PSPH: variants seen among roughly 807,000 people sequenced by gnomAD.
PSPH encodes the protein L-3-phosphoserine phosphatase.
A neutral mutation model predicts 23.4 loss-of-function variants in PSPH; 16 were observed. The observed-to-expected ratio is 0.68, with a 90% CI of 0.46 to 1.04. The LOEUF (loss-of-function observed/expected upper bound fraction) is 1.04, where lower values mean the gene tolerates loss of function less well. Among genes scored for constraint, PSPH ranks in the 50% least tolerant of loss-of-function variants. The pLI is 0.00. For synonymous variants in PSPH, 68 were observed against 99.7 expected (o/e 0.68, Z 1.89); for missense variants, 223 against 273.7 (o/e 0.81, Z 1.31).
chr7:56,023,678 T>C (rs1479484317), intron 3 of PSPH, among the ~76,000 whole-genome samples: 1 of 152,134 alleles, frequency 6.6e-6, no homozygotes, highest in Non-Finnish European at 1.5e-5. Flanking sequence ...ACAGATGATG[T>C]AAGTAATCTA....
At chr7:56,049,753 AT>A (rs71015171) in intron 1 of PSPH, among the ~76,000 whole-genome samples, 2 of 146,362 alleles carry the variant, frequency 1.4e-5, no homozygotes, top group Non-Finnish European at 3.0e-5. Context: ...TATTATTATT[AT>A]TTTTTTTGAG....
intron 1 of PSPH, among the ~76,000 whole-genome samples, chr7:56,042,526 T>C (rs1269622436): frequency 2.6e-5 from 4 of 151,810 alleles, no homozygotes; most frequent in Non-Finnish European, 5.9e-5. Context: ...TGACGAGTGC[T>C]TGTGGTCCCA....
chr7:56,039,148 C>CAA (rs34620559), intron 1 of PSPH, among the ~76,000 whole-genome samples: 9 of 56,598 alleles, frequency 1.6e-4, no homozygotes, highest in African/African-American at 2.7e-4. Context: ...AACTCTGTCT[C>CAA]AAAAAAAAAA....
intron 5 of PSPH, 130 bp downstream of exon 5, chr7:56,019,470 A>C (rs1259343564): frequency 1.2e-5 from 15 of 1,220,624 alleles, no homozygotes; most frequent in East Asian, 2.7e-5. Context: ...ATAATTAAAA[A>C]ATTAAAAAAT....
At position 56,017,098 on chromosome 7, in the gene PSPH, G is replaced by T. The variant is rs1277204910; in HGVS notation, c.421+136C>A. ...GAGCAAAGGGTACCAAAGGGCAAAA[G>T]ACATCAATTAAGAGAACCATTCATC... On this transcript the variant is annotated intron_variant, in intron 6 of 7. Coordinates refer to ENST00000275605, the MANE Select transcript of PSPH (RefSeq NM_004577.4). The T allele has an allele frequency of 1.4e-5, 20 of 1,467,470 alleles. No individual in the cohort carries two copies. In the Admixed American group the frequency reaches 2.6e-4, roughly 19 times the overall value. The allele number at this position is 1,467,470 out of a possible 1,614,324, so 90.9% of individuals were successfully genotyped here. A position where few individuals can be genotyped will look rare whatever the true frequency, so the allele number is the denominator to read the frequency against.
At chr7:56,013,669 T>A (rs1788230819) in intron 7 of PSPH, among the ~76,000 whole-genome samples, 1 of 151,562 alleles carries the variant, frequency 6.6e-6, no homozygotes, top group African/African-American at 2.4e-5. Flanking sequence ...AGTTCAGGGC[T>A]GTGATAAGCT....
intron 7 of PSPH, among the ~76,000 whole-genome samples, chr7:56,014,759 C>T (rs552370514): frequency 1.4e-3 from 207 of 152,146 alleles, no homozygotes; most frequent in African/African-American, 4.9e-3. Flanking sequence ...GCATGGCCAA[C>T]GTGGCGAAAC....
chr7:56,024,804 C>CTTTT (rs11394881), intron 3 of PSPH, among the ~76,000 whole-genome samples: 3 of 130,090 alleles, frequency 2.3e-5, no homozygotes, highest in East Asian at 2.3e-4. Context: ...ATTAATAAAT[C>CTTTT]TTTTTTTTTT....
chr7:56,041,209 CTTTTTTTTTTT>C (rs1163943212), intron 1 of PSPH, among the ~76,000 whole-genome samples: 11 of 130,404 alleles, frequency 8.4e-5, no homozygotes, highest in South Asian at 7.6e-4. Flanking sequence ...CTCTCTCTCT[CTTTTTTTTTTT>C]TTTTTTTTTT....
At chr7:56,040,336 A>G (rs1238966307) in intron 1 of PSPH, among the ~76,000 whole-genome samples, 2 of 151,860 alleles carry the variant, frequency 1.3e-5, no homozygotes, top group Non-Finnish European at 2.9e-5. Flanking sequence ...ATATGGTTAT[A>G]TATCTATGTC....
chr7:56,040,092 C>G (rs942531591), intron 1 of PSPH, among the ~76,000 whole-genome samples: 2 of 144,390 alleles, frequency 1.4e-5, no homozygotes, highest in Admixed American at 1.4e-4. Flanking sequence ...GAGCAAGACT[C>G]CATCAAAAAA....
intron 7 of PSPH, among the ~76,000 whole-genome samples, chr7:56,013,281 G>C (rs1788180612): frequency 6.6e-6 from 1 of 151,832 alleles, no homozygotes; most frequent in African/African-American, 2.4e-5. Context: ...CACTCTGGCA[G>C]GCCAAGGCAG....
At chr7:56,017,135 C>A in intron 6 of PSPH, 99 bp downstream of exon 6, 1 of 1,570,692 alleles carries the variant, frequency 6.4e-7, no homozygotes. Flanking sequence ...CAATATTTAA[C>A]TCTGATGTGA....
At chr7:56,040,860 A>AAGCAG (rs904627019) in intron 1 of PSPH, among the ~76,000 whole-genome samples, 1 of 152,020 alleles carries the variant, frequency 6.6e-6, no homozygotes, top group Non-Finnish European at 1.5e-5. Context: ...TGTTTGAAAC[A>AAGCAG]AGCAGAGCAG....
At chr7:56,019,459 A>C in intron 5 of PSPH, 141 bp downstream of exon 5, 1 of 1,002,936 alleles carries the variant, frequency 1.0e-6, no homozygotes. Flanking sequence ...AATTTAAAAA[A>C]ATAATTAAAA....
chr7:56,016,168 G>T (rs1302255028), intron 6 of PSPH, among the ~76,000 whole-genome samples: 2 of 151,628 alleles, frequency 1.3e-5, no homozygotes, highest in East Asian at 3.9e-4. Context: ...GGAGGCCAAG[G>T]CAGGTGGATC....
intron 4 of PSPH, 178 bp from the exon 5 acceptor site, chr7:56,019,912 T>C (rs77024898): frequency 3.7e-5 from 26 of 711,234 alleles, no homozygotes; most frequent in South Asian, 1.0e-4. Context: ...TTTTGAAGGA[T>C]TGCTTGAAAA....
At chr7:56,013,035 GTATA>G (rs1283386929) in intron 7 of PSPH, among the ~76,000 whole-genome samples, 2 of 146,436 alleles carry the variant, frequency 1.4e-5, no homozygotes, top group Non-Finnish European at 3.0e-5. Context: ...TACTATATAT[GTATA>G]TATATACACA....
Position 56,015,487 on chromosome 7 carries a change from C to A in PSPH, c.422-316G>T, listed in dbSNP as rs1788448215. 2.0e-5 allele frequency among the ~76,000 whole-genome samples: 3 copies of A among 152,020 alleles called. No individual in the cohort carries two copies. The South Asian group carries it at 6.2e-4, about 32-fold the overall frequency. ...AAAGTGCTGGGATTACAGGTGTGAG[C>A]CATCACACCTAGCCAACCTTTGCTT... On this transcript the variant is annotated intron_variant, in intron 6 of 7. Coordinates refer to ENST00000275605, the MANE Select transcript of PSPH (RefSeq NM_004577.4).
Sources: allele counts gnomAD v4.1 joint callset (sites outside exome capture counted in the v4.1 genomes callset), GRCh38; gene constraint gnomAD v4.1.1; transcripts MANE v1.5; gene names NCBI Gene and HGNC (gene_info 2026-07-23, HGNC 2026-07-21).